SLC15A1: variants seen among roughly 807,000 people sequenced by gnomAD.
SLC15A1 encodes the protein solute carrier family 15 member 1.
SLC15A1 carries 83 observed loss-of-function variants against 92.9 expected under a neutral mutation model. The ratio of observed to expected loss-of-function variants is 0.89; its 90% confidence interval spans 0.75 to 1.07. SLC15A1 has a LOEUF of 1.07. SLC15A1 is among the 50% of genes least tolerant of loss of function. The probability of loss-of-function intolerance (pLI) is 0.00; values close to 1 mark genes in which losing one functional copy is unlikely to be tolerated. For missense variants in SLC15A1, 857 were observed against 880.1 expected, an observed-to-expected ratio of 0.97 and a Z score of 0.33; for synonymous variants, 322 against 318.2, an observed-to-expected ratio of 1.01 and a Z score of -0.13.
At chr13:98,719,193 G>A in intron 8 of SLC15A1, 44 bp downstream of exon 8, 2 of 1,432,950 alleles carry the variant, frequency 1.4e-6, no homozygotes, top group Non-Finnish European at 2.0e-6. Flanking sequence ...CGTAGGGCCT[G>A]ACCTGGTCCT....
chr13:98,736,820 G>A (rs1485361840), intron 1 of SLC15A1, among the ~76,000 whole-genome samples: 11 of 151,880 alleles, frequency 7.2e-5, no homozygotes, highest in South Asian at 2.1e-4. Flanking sequence ...TTAGAATGGC[G>A]ATCATTAAAA....
At chr13:98,714,643 G>A (rs1308245758) in intron 9 of SLC15A1, among the ~76,000 whole-genome samples, 1 of 92,072 alleles carries the variant, frequency 1.1e-5, no homozygotes, top group Non-Finnish European at 1.9e-5. Context: ...GACAGAGCAA[G>A]ACTCCATCTC....
At chr13:98,689,137 GC>G (rs2087956087) in intron 18 of SLC15A1, among the ~76,000 whole-genome samples, 1 of 152,112 alleles carries the variant, frequency 6.6e-6, no homozygotes, top group South Asian at 2.1e-4. Context: ...GTGGGGTTTC[GC>G]CATGTTGGCC....
At chr13:98,734,756 G>A (rs1219761505) in intron 1 of SLC15A1, among the ~76,000 whole-genome samples, 4 of 152,034 alleles carry the variant, frequency 2.6e-5, no homozygotes, top group African/African-American at 9.7e-5. Context: ...ATAAATTCCT[G>A]GACACATACA....
chr13:98,750,250 C>A (rs2088532815), intron 1 of SLC15A1, among the ~76,000 whole-genome samples: 1 of 151,992 alleles, frequency 6.6e-6, no homozygotes, highest in Non-Finnish European at 1.5e-5. Context: ...GTAGCTGGGA[C>A]AACAGGCACA....
intron 8 of SLC15A1, 47 bp from the exon 9 acceptor site, chr13:98,716,007 G>T: frequency 6.7e-7 from 1 of 1,500,204 alleles, no homozygotes; most frequent in Non-Finnish European, 9.3e-7. Flanking sequence ...GTGACCGAGC[G>T]CCCTGTGGCC....
At chr13:98,694,631 C>CA (rs1399164706) in intron 18 of SLC15A1, among the ~76,000 whole-genome samples, 3 of 152,064 alleles carry the variant, frequency 2.0e-5, no homozygotes, top group Non-Finnish European at 4.4e-5. Context: ...CATTGTTTGG[C>CA]AAAATCAGAA....
chr13:98,745,116 G>C lies in SLC15A1; in HGVS notation c.4+7479C>G, dbSNP rs186377479. ...TGGGAACGTCGTTTTTAGAACTAGA[G>C]GTAAATCGCCTGTGTCTCCTAGATC... On this transcript the variant is annotated intron_variant, in intron 1 of 22. Transcript: ENST00000376503. Among the ~76,000 whole-genome samples the C allele has an allele frequency of 4.4e-3, 671 of 152,218 alleles. 19 individuals carry two copies. Among genetic ancestry groups the C allele is most frequent in the East Asian group, 7.9e-3 (41 of 5,180 alleles).
chr13:98,688,619 TA>T, intron 18 of SLC15A1, 42 bp from the exon 19 acceptor site: 1 of 1,428,652 alleles, frequency 7.0e-7, no homozygotes, highest in Non-Finnish European at 9.9e-7. Context: ...AACTAGAGAA[TA>T]ATATATTCTA....
chr13:98,750,459 C>T (rs1455338280), intron 1 of SLC15A1, among the ~76,000 whole-genome samples: 1 of 152,112 alleles, frequency 6.6e-6, no homozygotes, highest in African/African-American at 2.4e-5. Context: ...TTCTCCTTGC[C>T]TCTGTTACTA....
At chr13:98,719,176 T>A in intron 8 of SLC15A1, 61 bp downstream of exon 8, 1 of 1,204,796 alleles carries the variant, frequency 8.3e-7, no homozygotes, top group Non-Finnish European at 1.2e-6. Context: ...TTAGTCACAA[T>A]CATTCACGTA....
chr13:98,701,827 C>T (rs1017192021), intron 18 of SLC15A1, among the ~76,000 whole-genome samples: 9 of 152,092 alleles, frequency 5.9e-5, no homozygotes, highest in Middle Eastern at 3.4e-3. Flanking sequence ...TGTGCCACCA[C>T]ATCTGGCTAT....
chr13:98,685,937 G>C (rs188028005), intron 22 of SLC15A1, among the ~76,000 whole-genome samples: 5 of 150,450 alleles, frequency 3.3e-5, no homozygotes, highest in Non-Finnish European at 7.4e-5. Context: ...AGTGAGCCAA[G>C]ATTGCGCCAC....
chr13:98,752,358 C>T (rs1157789606), intron 1 of SLC15A1, among the ~76,000 whole-genome samples: 2 of 152,158 alleles, frequency 1.3e-5, no homozygotes, highest in Non-Finnish European at 2.9e-5. Context: ...GGGCCAGGAT[C>T]GCAACCTCGG....
At chr13:98,687,300 T>C (rs1412392948) in intron 21 of SLC15A1, among the ~76,000 whole-genome samples, 1 of 152,150 alleles carries the variant, frequency 6.6e-6, no homozygotes, top group African/African-American at 2.4e-5. Flanking sequence ...ATCACTCTGG[T>C]AGCAGTCAGT....
At chr13:98,715,729 G>T in intron 9 of SLC15A1, 149 bp downstream of exon 9, 3 of 622,756 alleles carry the variant, frequency 4.8e-6, no homozygotes, top group South Asian at 2.2e-5. Context: ...GTGTCTTTTT[G>T]CATTTAGAAG....
chr13:98,703,448 T>C (rs2088085883), intron 17 of SLC15A1, among the ~76,000 whole-genome samples: 1 of 151,276 alleles, frequency 6.6e-6, no homozygotes. Context: ...TGCAGTTCCG[T>C]AGAAGCTCAC....
chr13:98,695,892 A>G (rs2088017126), intron 18 of SLC15A1, among the ~76,000 whole-genome samples: 1 of 151,722 alleles, frequency 6.6e-6, no homozygotes, highest in Non-Finnish European at 1.5e-5. Flanking sequence ...TTTCTCTGTT[A>G]TTTTCTGACA....
At position 98,715,912 on chromosome 13, in the gene SLC15A1, C is replaced by T. The variant is rs1215795453; in HGVS notation, c.689G>A (p.Gly230Asp). ...SGMYKKFKPQ[G>D]NIMGKVAKCI... Reference sequence around the variant, plus strand: ...CTTGGCCACTTTACCCATGATGTTGCCCTGTGGCTTGAACTTCTTGTACAT... The same window carrying T: ...CTTGGCCACTTTACCCATGATGTTGTCCTGTGGCTTGAACTTCTTGTACAT... Residue 230 changes from glycine (G) to aspartate (D), a missense_variant, in exon 9 of 23, where the codon GGC becomes GAC. Gly to Asp is a moderately conservative substitution (Grantham distance 94). Transcript: ENST00000376503. The T allele has an allele frequency of 1.2e-6, 2 of 1,614,148 alleles. No homozygotes were observed. Among genetic ancestry groups the T allele is most frequent in the Admixed American group, 1.7e-5 (1 of 60,004 alleles).
Sources: gnomAD v4.1 joint callset for allele counts (sites outside exome capture counted in the v4.1 genomes callset) on GRCh38, gnomAD v4.1.1 for gene constraint, MANE v1.5 for transcripts, NCBI Gene and HGNC (gene_info 2026-07-23, HGNC 2026-07-21) for gene names.